SNTG2: variants seen among roughly 807,000 people sequenced by gnomAD.
SNTG2 encodes syntrophin gamma 2.
In SNTG2, 74 loss-of-function variants were observed where a neutral mutation model predicts 70.9. The ratio of observed to expected loss-of-function variants is 1.04; its 90% CI spans 0.86 to 1.27. SNTG2 has a LOEUF of 1.27. Among genes scored for constraint, SNTG2 ranks in the 50% most tolerant of loss-of-function variants. The pLI is 0.00. For synonymous variants in SNTG2, 278 were observed against 273.8 expected (o/e 1.02, Z -0.15); for missense variants, 717 against 690.7 (o/e 1.04, Z -0.43).
At chr2:989,421 G>A (rs1661425245) in intron 1 of SNTG2, among the ~76,000 whole-genome samples, 1 of 151,910 alleles carries the variant, frequency 6.6e-6, no homozygotes, top group Non-Finnish European at 1.5e-5. Flanking sequence ...ATCCTAAATT[G>A]TGTTGAATTT....
At position 1,360,628 on chromosome 2, in the gene SNTG2, C is replaced by G. The variant is rs116528830; in HGVS notation, c.1489-6715C>G. On this transcript the variant is annotated intron_variant, in intron 16 of 16. Coordinates refer to ENST00000308624, the MANE Select transcript of SNTG2 (RefSeq NM_018968.4). ...AGGCTACTCTAGTGTTTTTAATTTC[C>G]TTTTCTTAAAAACACAAACAAACAA... Among the ~76,000 whole-genome samples the G allele has an allele frequency of 6.0e-3, 841 of 141,154 alleles. 9 individuals are homozygous for G. The highest frequency in any genetic ancestry group is 0.021 in the African/African-American group (797 of 38,018). The allele number at this position is 141,154 out of a possible 152,430, so 92.6% of individuals were successfully genotyped here. A position where few individuals can be genotyped will look rare whatever the true frequency, so the allele number is the denominator to read the frequency against.
At chr2:1,168,273 C>G (rs578230757) in intron 7 of SNTG2, among the ~76,000 whole-genome samples, 2 of 150,316 alleles carry the variant, frequency 1.3e-5, no homozygotes, top group East Asian at 4.0e-4. Flanking sequence ...GACGGCAGAA[C>G]TGAAGCCTAG....
intron 14 of SNTG2, among the ~76,000 whole-genome samples, chr2:1,281,703 T>G (rs1679555094): frequency 6.6e-6 from 1 of 152,126 alleles, no homozygotes; most frequent in Non-Finnish European, 1.5e-5. Context: ...GTATGTTCCC[T>G]GTCACTCAAG....
chr2:1,293,647 C>A (rs920313991), intron 14 of SNTG2, among the ~76,000 whole-genome samples: 1 of 151,936 alleles, frequency 6.6e-6, no homozygotes, highest in African/African-American at 2.4e-5. Context: ...CACATATTTG[C>A]TGATTTTCAT....
intron 4 of SNTG2, among the ~76,000 whole-genome samples, chr2:1,103,990 A>AT (rs1665957959): frequency 6.6e-6 from 1 of 152,140 alleles, no homozygotes; most frequent in Non-Finnish European, 1.5e-5. Flanking sequence ...ATATAGCTAC[A>AT]TTTTTGCTAA....
intron 2 of SNTG2, among the ~76,000 whole-genome samples, chr2:1,084,387 G>A (rs149376401): frequency 0.013 from 1,919 of 152,268 alleles, 10 homozygotes; most frequent in African/African-American, 0.015. Context: ...GATGTGTATC[G>A]TGTACAAGTG....
At chr2:1,037,869 A>G (rs1367850265) in intron 1 of SNTG2, among the ~76,000 whole-genome samples, 3 of 152,154 alleles carry the variant, frequency 2.0e-5, no homozygotes, top group Admixed American at 6.5e-5. Flanking sequence ...GTCGTCTTTA[A>G]GCTTGGCTGT....
chr2:976,087 T>G (rs896920139), intron 1 of SNTG2, among the ~76,000 whole-genome samples: 1 of 152,216 alleles, frequency 6.6e-6, no homozygotes, highest in East Asian at 1.9e-4. Context: ...AACCTGTGGC[T>G]TAGAATGCAT....
chr2:1,282,601 G>C (rs1216403912), intron 14 of SNTG2, among the ~76,000 whole-genome samples: 3 of 152,160 alleles, frequency 2.0e-5, no homozygotes, highest in Non-Finnish European at 4.4e-5. Flanking sequence ...GCAAGGTCCC[G>C]CCAAGCATCA....
chr2:951,011 ACCCCCG>A lies in SNTG2; in HGVS notation c.22_27del (p.Pro8_Pro9del). ...CAGGGGCGGCGATGGGCACCGAGGG[ACCCCCG>A]CCCCCGGCCGCCTCCCGCGGACGCC... On this transcript the variant is annotated inframe_deletion, in exon 1 of 17. Coordinates refer to ENST00000308624, the MANE Select transcript of SNTG2 (RefSeq NM_018968.4). 4.0e-6 allele frequency: 5 copies of A among 1,259,730 alleles called. No individual in the cohort carries two copies. The highest frequency in any genetic ancestry group is 4.0e-6 in the Non-Finnish European group (4 of 1,005,736). The allele number at this position is 1,259,730 out of a possible 1,614,324, so 78.0% of individuals were successfully genotyped here. A position where few individuals can be genotyped will look rare whatever the true frequency, so the allele number is the denominator to read the frequency against.
At chr2:1,331,677 C>T (rs1306284535) in intron 16 of SNTG2, among the ~76,000 whole-genome samples, 2 of 152,290 alleles carry the variant, frequency 1.3e-5, no homozygotes, top group South Asian at 4.1e-4. Flanking sequence ...ATTGCACTTG[C>T]AGGCTGTCAG....
chr2:1,183,064 T>A (rs1672021782), intron 8 of SNTG2, among the ~76,000 whole-genome samples: 1 of 152,212 alleles, frequency 6.6e-6, no homozygotes, highest in African/African-American at 2.4e-5. Flanking sequence ...CTAATCTCTA[T>A]TTTGACCTCT....
chr2:1,004,778 C>A (rs1425254277), intron 1 of SNTG2, among the ~76,000 whole-genome samples: 1 of 152,158 alleles, frequency 6.6e-6, no homozygotes, highest in Non-Finnish European at 1.5e-5. Flanking sequence ...TAAACATATT[C>A]TTAACATAGA....
chr2:1,064,482 A>G (rs1663026871), intron 1 of SNTG2, among the ~76,000 whole-genome samples: 1 of 151,396 alleles, frequency 6.6e-6, no homozygotes, highest in Non-Finnish European at 1.5e-5. Context: ...TATAAAAATA[A>G]AGTACTACAT....
chr2:1,221,304 TCTGTCTCTGTCTCTCC>T (rs1299013433), intron 9 of SNTG2, among the ~76,000 whole-genome samples: 1 of 138,192 alleles, frequency 7.2e-6, no homozygotes, highest in Non-Finnish European at 1.7e-5. Context: ...TCTGTCCCTC[TCTGTCTCTGTCTCTCC>T]CTGTCTCTGT....
chr2:1,057,279 G>A (rs1250075318), intron 1 of SNTG2, among the ~76,000 whole-genome samples: 1 of 152,102 alleles, frequency 6.6e-6, no homozygotes, highest in African/African-American at 2.4e-5. Context: ...TATTCTGGCT[G>A]TATTTCATAT....
chr2:1,004,777 T>C (rs888600338), intron 1 of SNTG2, among the ~76,000 whole-genome samples: 1 of 152,214 alleles, frequency 6.6e-6, no homozygotes, highest in Non-Finnish European at 1.5e-5. Flanking sequence ...CTAAACATAT[T>C]CTTAACATAG....
At chr2:993,957 C>G (rs1231765574) in intron 1 of SNTG2, among the ~76,000 whole-genome samples, 1 of 151,924 alleles carries the variant, frequency 6.6e-6, no homozygotes, top group Non-Finnish European at 1.5e-5. Flanking sequence ...TTTTCATTTT[C>G]TTCAAAGTAT....
chr2:1,298,628 G>A (rs960853868), intron 14 of SNTG2, among the ~76,000 whole-genome samples: 4 of 152,024 alleles, frequency 2.6e-5, no homozygotes, highest in Non-Finnish European at 4.4e-5. Context: ...TTCTTCCTCT[G>A]CCTCCTCCAC....
Sources: allele counts gnomAD v4.1 joint callset (sites outside exome capture counted in the v4.1 genomes callset), GRCh38; gene constraint gnomAD v4.1.1; transcripts MANE v1.5; gene names NCBI Gene and HGNC (gene_info 2026-07-23, HGNC 2026-07-21).